Variants in LRMDA observed in about 807,000 individuals in gnomAD.
LRMDA encodes leucine-rich melanocyte differentiation-associated protein.
Under a neutral mutation model 29.8 loss-of-function variants are expected in LRMDA, and 18 were observed. The ratio of observed to expected loss-of-function variants is 0.60; its 90% CI spans 0.42 to 0.90. The LOEUF (loss-of-function observed/expected upper bound fraction) is 0.90, where lower values mean the gene tolerates loss of function less well. LRMDA is among the 40% of genes least tolerant of loss of function. The probability of loss-of-function intolerance (pLI) is 0.00; values close to 1 mark genes in which losing one functional copy is unlikely to be tolerated. For missense variants in LRMDA, 273 were observed against 273.9 expected, an observed-to-expected ratio of 1.00 and a Z score of 0.02; for synonymous variants, 125 against 109.4, an observed-to-expected ratio of 1.14 and a Z score of -0.89.
intron 2 of LRMDA, among the ~76,000 whole-genome samples, chr10:75,543,209 G>A (rs1217960057): frequency 6.6e-6 from 1 of 152,172 alleles, no homozygotes; most frequent in African/African-American, 2.4e-5. Flanking sequence ...AATGACTTAG[G>A]CATGTTCCCT....
chr10:76,114,492 C>T (rs1389080296), intron 5 of LRMDA, among the ~76,000 whole-genome samples: 1 of 152,126 alleles, frequency 6.6e-6, no homozygotes, highest in Non-Finnish European at 1.5e-5. Flanking sequence ...GGAACTCTGG[C>T]AATCATTCTG....
At chr10:76,520,338 C>A (rs148932900) in intron 6 of LRMDA, among the ~76,000 whole-genome samples, 1 of 151,732 alleles carries the variant, frequency 6.6e-6, no homozygotes, top group Non-Finnish European at 1.5e-5. Flanking sequence ...TCTTATTACT[C>A]ACCCTGATTA....
At chr10:75,795,106 G>A (rs1205641090) in intron 2 of LRMDA, among the ~76,000 whole-genome samples, 1 of 151,928 alleles carries the variant, frequency 6.6e-6, no homozygotes, top group Non-Finnish European at 1.5e-5. Flanking sequence ...GTTAAGAATT[G>A]GGATTCTGGC....
chr10:76,290,920 C>T (rs1439001860), intron 5 of LRMDA, among the ~76,000 whole-genome samples: 1 of 152,154 alleles, frequency 6.6e-6, no homozygotes, highest in African/African-American at 2.4e-5. Flanking sequence ...AACTACTTTG[C>T]TAGTTTCAGA....
At chr10:75,830,127 G>A (rs960404781) in intron 2 of LRMDA, among the ~76,000 whole-genome samples, 2 of 151,958 alleles carry the variant, frequency 1.3e-5, no homozygotes, top group African/African-American at 2.4e-5. Flanking sequence ...AAAATATATC[G>A]AACCACCTTA....
chr10:76,519,560 G>A (rs1220731015), intron 6 of LRMDA, among the ~76,000 whole-genome samples: 2 of 152,118 alleles, frequency 1.3e-5, no homozygotes, highest in African/African-American at 2.4e-5. Context: ...ATTTTGTTTT[G>A]GTTTGGCTTG....
At chr10:75,877,911 A>T (rs1310226741) in intron 2 of LRMDA, among the ~76,000 whole-genome samples, 3 of 152,188 alleles carry the variant, frequency 2.0e-5, no homozygotes, top group Non-Finnish European at 2.9e-5. Flanking sequence ...GGATGTCAAG[A>T]TGAAATCGGA....
At chr10:76,253,372 T>A (rs1383584210) in intron 5 of LRMDA, among the ~76,000 whole-genome samples, 1 of 152,128 alleles carries the variant, frequency 6.6e-6, no homozygotes, top group Non-Finnish European at 1.5e-5. Flanking sequence ...AGCAATATCA[T>A]GGGGGATTTT....
At chr10:76,212,103 A>T (rs1851644858) in intron 5 of LRMDA, among the ~76,000 whole-genome samples, 1 of 152,206 alleles carries the variant, frequency 6.6e-6, no homozygotes, top group Non-Finnish European at 1.5e-5. Flanking sequence ...AAGGAAACAT[A>T]GCCCAAGTCC....
chr10:76,245,143 G>C (rs1420534323), intron 5 of LRMDA, among the ~76,000 whole-genome samples: 1 of 152,184 alleles, frequency 6.6e-6, no homozygotes, highest in Non-Finnish European at 1.5e-5. Context: ...AGAATCACAG[G>C]AAGGCAACAA....
chr10:76,278,385 G>C (rs1291019353), intron 5 of LRMDA, among the ~76,000 whole-genome samples: 1 of 152,162 alleles, frequency 6.6e-6, no homozygotes, highest in Non-Finnish European at 1.5e-5. Flanking sequence ...CTGTGAAAGT[G>C]CTTTATAAAC....
chr10:75,880,053 A>G (rs1176682181), intron 2 of LRMDA, among the ~76,000 whole-genome samples: 1 of 152,238 alleles, frequency 6.6e-6, no homozygotes, highest in Non-Finnish European at 1.5e-5. Context: ...AGCTAATTTT[A>G]TAATGTTTTA....
At chr10:76,330,458 G>A (rs1840891134) in intron 6 of LRMDA, among the ~76,000 whole-genome samples, 1 of 152,162 alleles carries the variant, frequency 6.6e-6, no homozygotes, top group African/African-American at 2.4e-5. Flanking sequence ...CCTGGTTATA[G>A]GACAGAACCC....
Position 76,363,116 on chromosome 10 carries a change from GGAAAGAAAGAAAGAAA to G in LRMDA, c.601+38677_601+38692del, listed in dbSNP as rs1192417224. Among the ~76,000 whole-genome samples, 476 of 51,470 alleles carry G rather than the reference GGAAAGAAAGAAAGAAA, an allele frequency of 9.2e-3. 4 individuals are homozygous for G. Among genetic ancestry groups the G allele is most frequent in the Non-Finnish European group, 0.013 (317 of 23,730 alleles). 33.8% of individuals were successfully genotyped at this position (51,470 alleles called of 152,430 possible). ...CTAGAGGTTTCAGCCTGTGGAGTAA[GGAAAGAAAGAAAGAAA>G]GAAAGAAAGAAAGAAAGAAAGAAAG... On this transcript the variant is annotated intron_variant, in intron 6 of 6. Transcript: ENST00000611255.
At chr10:75,985,254 T>C (rs1055021883) in intron 2 of LRMDA, among the ~76,000 whole-genome samples, 1 of 152,206 alleles carries the variant, frequency 6.6e-6, no homozygotes, top group Non-Finnish European at 1.5e-5. Context: ...GTATTAGAGA[T>C]ACCAACCATG....
chr10:75,799,898 A>G (rs922168540), intron 2 of LRMDA, among the ~76,000 whole-genome samples: 1 of 151,986 alleles, frequency 6.6e-6, no homozygotes, highest in African/African-American at 2.4e-5. Flanking sequence ...TTGCCTTATT[A>G]TTCTCACCCC....
chr10:75,736,137 G>T (rs1842759969), intron 2 of LRMDA, among the ~76,000 whole-genome samples: 1 of 152,160 alleles, frequency 6.6e-6, no homozygotes, highest in South Asian at 2.1e-4. Context: ...TAAAATTATA[G>T]TTAGGAATAT....
intron 2 of LRMDA, among the ~76,000 whole-genome samples, chr10:75,677,120 A>G (rs952670491): frequency 8.5e-5 from 13 of 152,198 alleles, no homozygotes; most frequent in Non-Finnish European, 1.6e-4. Flanking sequence ...CATAGAATGT[A>G]TTTATTTCCA....
chr10:75,847,630 G>A (rs912510353), intron 2 of LRMDA, among the ~76,000 whole-genome samples: 1 of 152,048 alleles, frequency 6.6e-6, no homozygotes, highest in Non-Finnish European at 1.5e-5. Context: ...AATATATAAA[G>A]AACTTCTACA....
Sources: allele counts gnomAD v4.1 joint callset (sites outside exome capture counted in the v4.1 genomes callset), GRCh38; gene constraint gnomAD v4.1.1; transcripts MANE v1.5; gene names NCBI Gene and HGNC (gene_info 2026-07-23, HGNC 2026-07-21).